Variants in GLB1L2 observed in about 807,000 individuals in gnomAD.
The protein encoded by GLB1L2 is galactosidase beta 1 like 2, also known as beta-galactosidase-1-like protein 2.
A neutral mutation model predicts 84.1 loss-of-function variants in GLB1L2; 68 were observed. The ratio of observed to expected loss-of-function variants is 0.81; its 90% CI spans 0.67 to 0.99. The LOEUF (loss-of-function observed/expected upper bound fraction) is 0.99. Ranked by LOEUF, GLB1L2 falls within the 50% of genes least tolerant of loss-of-function variation. The pLI is 0.00. For synonymous variants in GLB1L2, 290 were observed against 318.0 expected, an observed-to-expected ratio of 0.91 and a Z score of 0.94; for missense variants, 762 against 805.6, an observed-to-expected ratio of 0.95 and a Z score of 0.66.
rs560236837 is a variant in GLB1L2, at chr11:134,369,428, C to T, written c.1028-377C>T. On this transcript the variant is annotated intron_variant, in intron 10 of 18. Coordinates refer to ENST00000535456, the MANE Select transcript of GLB1L2 (RefSeq NM_001370461.1). The stretch of plus-strand genomic sequence containing the variant: ...CAGGCTGGTCTGGAACTCCTGGCCT[C>T]GAGCGATCCTCCTGCCTTGGCCTCC... Among the ~76,000 whole-genome samples the T allele has an allele frequency of 2.1e-3, 322 of 152,294 alleles. 1 individual carries two copies. The highest frequency in any genetic ancestry group is 7.4e-3 in the African/African-American group (307 of 41,534).
rs1371417942 is a variant in GLB1L2 at position 134,338,742 on chromosome 11, C to T, written c.87-4012C>T. 1.3e-5 allele frequency among the ~76,000 whole-genome samples: 2 copies of T among 152,180 alleles called. No homozygotes were observed. Among genetic ancestry groups the T allele is most frequent in the Non-Finnish European group, 2.9e-5 (2 of 68,034 alleles). Reference sequence around the variant, plus strand: ...AGCCTTCAGCACGAATAGTGCATGCCCCTTTTCCACTTGCCAAAAGGGAAC... The same window carrying T: ...AGCCTTCAGCACGAATAGTGCATGCTCCTTTTCCACTTGCCAAAAGGGAAC... On this transcript the variant is annotated intron_variant, in intron 1 of 18. Coordinates refer to ENST00000535456, the MANE Select transcript of GLB1L2 (RefSeq NM_001370461.1). This position sits in a 1 kb window ranked among gnomAD's most constrained non-coding sequence, Gnocchi z 6.2.
Position 134,337,037 on chromosome 11 carries a change from A to G in GLB1L2, c.86+4890A>G, listed in dbSNP as rs112688153. Among the ~76,000 whole-genome samples the G allele has an allele frequency of 1.4e-3, 215 of 152,294 alleles. 2 individuals are homozygous for G. The highest frequency in any genetic ancestry group is 4.9e-3 in the African/African-American group (205 of 41,568). On this transcript the variant is annotated intron_variant, in intron 1 of 18. Transcript: ENST00000535456. ...TAGAGTGAGGGGTTTTTGTTACTTT[A>G]CTATTGGATCTCAAGGTTTTGGTCT...
At position 134,374,677 on chromosome 11, in the gene GLB1L2, C is replaced by G. The variant is rs1434249707; in HGVS notation, c.1783C>G (p.Leu595Val). The G allele has an allele frequency of 3.7e-6, 6 of 1,613,912 alleles. No homozygotes were observed. Among genetic ancestry groups the G allele is most frequent in the Non-Finnish European group, 5.1e-6 (6 of 1,179,988 alleles). ...RYWNIGPQKT[L>V]YLPGPWLSSG... ...CTGGAACATTGGACCCCAGAAGACGCTTTACCTCCCAGGTCCCTGGTTGAG... is the reference window on the plus strand; with the variant it reads ...CTGGAACATTGGACCCCAGAAGACGGTTTACCTCCCAGGTCCCTGGTTGAG... The change falls in exon 18 of 19, where the codon CTT (leucine) becomes GTT (valine). Residue 595 changes from leucine (L) to valine (V), a missense_variant. By Grantham distance (32) the Leu-to-Val change is conservative. Transcript: ENST00000535456.
intron 5 of GLB1L2, among the ~76,000 whole-genome samples, chr11:134,354,305 T>C (rs1006528528): frequency 3.9e-5 from 6 of 152,338 alleles, no homozygotes; most frequent in African/African-American, 1.4e-4. Context: ...GCCCTTCCAC[T>C]TTATTTTATT....
rs143581329 is a variant in GLB1L2, at chr11:134,368,679, G to A, written c.925G>A (p.Gly309Ser). The A allele has an allele frequency of 2.1e-4, 344 of 1,613,800 alleles. 1 individual carries two copies. In the African/African-American group the frequency reaches 3.6e-3, roughly 17 times the overall value. The stretch of plus-strand genomic sequence containing the variant: ...AACCGTGTCTGCCATTGTGGACGCC[G>A]GCTCCTCCATCAACCTCTACATGTT... ...LKTVSAIVDA[G>S]SSINLYMFHG... Residue 309 changes from glycine to serine, a missense_variant, in exon 10 of 19, where the codon GGC becomes AGC. By Grantham distance (56) the Gly-to-Ser change is moderately conservative (BLOSUM62 0). Transcript: ENST00000535456.
At chr11:134,332,572 G>C (rs1170382536) in intron 1 of GLB1L2, among the ~76,000 whole-genome samples, 2 of 152,090 alleles carry the variant, frequency 1.3e-5, no homozygotes, top group African/African-American at 2.4e-5. Context: ...TCTGGGAGGC[G>C]CCTTATTCCG....
At chr11:134,372,719 T>C (rs1009140857) in intron 15 of GLB1L2, 3 of 152,230 alleles carry the variant, frequency 2.0e-5, no homozygotes, top group Admixed American at 6.5e-5. Context: ...AGAGCTCTTA[T>C]TGGTCCACAT....
chr11:134,368,901 C>A, intron 10 of GLB1L2, 120 bp downstream of exon 10: 3 of 1,031,976 alleles, frequency 2.9e-6, no homozygotes, highest in Non-Finnish European at 4.2e-6. Flanking sequence ...AATAGAGTAC[C>A]TGGAGAAGGT....
chr11:134,352,676 TCGC>T, intron 5 of GLB1L2, among the ~76,000 whole-genome samples: 2 of 151,154 alleles, frequency 1.3e-5, no homozygotes, highest in East Asian at 3.9e-4. Context: ...AGATGGAGTC[TCGC>T]TCTTGTCGCC....
Position 134,332,081 on chromosome 11 carries a change from G to T in GLB1L2, c.20G>T (p.Arg7Leu). The T allele has an allele frequency of 6.3e-7, 1 of 1,584,838 alleles. No individual in the cohort carries two copies. Among genetic ancestry groups the T allele is most frequent in the Non-Finnish European group, 8.6e-7 (1 of 1,167,612 alleles). Residue 7 changes from arginine (R) to leucine (L), a missense_variant, in exon 1 of 19, where the codon CGG becomes CTG. Physicochemically the swap from Arg to Leu is moderately radical, Grantham distance 102. Around this residue, in one of 3 missense-constraint regions of GLB1L2, gnomAD observed 100 missense variants for 88.8 expected, o/e 1.13. Transcript: ENST00000535456. MTTWSL[R>L]RRPARTLGLL... ...CACGCGATGACCACGTGGAGCCTCC[G>T]GCGGAGGCCGGCCCGCACGCTGGGA...
intron 3 of GLB1L2, among the ~76,000 whole-genome samples, 193 bp from the exon 4 acceptor site, chr11:134,344,841 G>A (rs1300168826): frequency 6.6e-6 from 1 of 152,250 alleles, no homozygotes; most frequent in African/African-American, 2.4e-5. Flanking sequence ...CCCCCGATGG[G>A]GCTGTGCAGA....
At chr11:134,351,840 A>C (rs1475679032) in intron 5 of GLB1L2, among the ~76,000 whole-genome samples, 9 of 152,180 alleles carry the variant, frequency 5.9e-5, no homozygotes, top group Non-Finnish European at 1.0e-4. Flanking sequence ...TTGTAATAAA[A>C]GAAAAAAGTG....
chr11:134,343,176 G>A (rs1176621362), intron 2 of GLB1L2, among the ~76,000 whole-genome samples: 2 of 152,250 alleles, frequency 1.3e-5, no homozygotes, highest in Non-Finnish European at 1.5e-5. Context: ...GCACAAAAGA[G>A]TATAGGGAAG....
At chr11:134,360,473 G>C (rs1164352330) in intron 7 of GLB1L2, 2 of 152,170 alleles carry the variant, frequency 1.3e-5, no homozygotes, top group East Asian at 1.9e-4. Flanking sequence ...GGCCTGCTCC[G>C]GGCTCCGCAG....
At chr11:134,362,509 G>T (rs1029000032) in intron 7 of GLB1L2, among the ~76,000 whole-genome samples, 2 of 152,236 alleles carry the variant, frequency 1.3e-5, no homozygotes, top group African/African-American at 2.4e-5. Flanking sequence ...TTCCCCCTGG[G>T]ATGACTGGGC....
intron 6 of GLB1L2, 64 bp from the exon 7 acceptor site, chr11:134,358,996 G>A: frequency 1.7e-6 from 2 of 1,153,212 alleles, no homozygotes; most frequent in Non-Finnish European, 1.2e-6. Flanking sequence ...AACTGCAGCT[G>A]TGTGTCACTG....
Position 134,375,152 on chromosome 11 carries a change from A to C in GLB1L2, c.*94A>C. 1 of 943,974 alleles carries C rather than the reference A, an allele frequency of 1.1e-6. No homozygotes were observed. The highest frequency in any genetic ancestry group is 2.6e-5 in the East Asian group (1 of 38,330). 58.5% of individuals were successfully genotyped at this position (943,974 alleles called of 1,614,324 possible). A position where few individuals can be genotyped will look rare whatever the true frequency, so the allele number is the denominator to read the frequency against. On this transcript the variant is annotated 3_prime_UTR_variant, in exon 19 of 19. Transcript: ENST00000535456. ...CTGCTGCCCCACCCCTCACTGCAAA[A>C]GCATCTCCTTAAGTAGCAACCTCAG...
At position 134,356,343 on chromosome 11, in the gene GLB1L2, G is replaced by C. The variant is rs146193618; in HGVS notation, c.601G>C (p.Glu201Gln). The C allele has an allele frequency of 2.5e-6, 4 of 1,614,020 alleles. No individual in the cohort carries two copies. Among genetic ancestry groups the C allele is most frequent in the Non-Finnish European group, 3.4e-6 (4 of 1,179,994 alleles). Residue 201 changes from glutamate to glutamine, a missense_variant, in exon 6 of 19, where the codon GAA becomes CAA. By Grantham distance (29) the Glu-to-Gln change is conservative. This residue lies in a region of GLB1L2 where 603 missense variants were observed against 611.7 expected (regional missense o/e 0.99). Coordinates refer to ENST00000535456, the MANE Select transcript of GLB1L2 (RefSeq NM_001370461.1). ...GPIIAVQVEN[E>Q]YGSYNKDPAY... ...TATCATTGCCGTGCAGGTGGAGAATGAATATGGTTCCTATAATAAAGACCC... is the reference window on the plus strand; with the variant it reads ...TATCATTGCCGTGCAGGTGGAGAATCAATATGGTTCCTATAATAAAGACCC...
intron 18 of GLB1L2, 85 bp from the exon 19 acceptor site, chr11:134,374,886 TC>T: frequency 7.3e-7 from 1 of 1,372,418 alleles, no homozygotes; most frequent in Non-Finnish European, 1.0e-6. Context: ...CCAAACCCTT[TC>T]CTTCTGACCC....
Sources: gnomAD v4.1 joint callset for allele counts (sites outside exome capture counted in the v4.1 genomes callset) on GRCh38, gnomAD v4.1.1 for gene constraint, gnomAD v4.1.1 regional missense constraint, Gnocchi (gnomAD v3.1) non-coding constraint, MANE v1.5 for transcripts, NCBI Gene and HGNC (gene_info 2026-07-23, HGNC 2026-07-21) for gene names.